Variants in GABRB2 observed in about 807,000 individuals in gnomAD.
GABRB2 encodes gamma-aminobutyric acid type A receptor subunit beta2, also known as gamma-aminobutyric acid receptor subunit beta-2.
A neutral mutation model predicts 54.7 loss-of-function variants in GABRB2; 16 were observed. The ratio of observed to expected loss-of-function variants is 0.29; its 90% confidence interval spans 0.20 to 0.44. GABRB2 has a LOEUF of 0.44. Ranked by LOEUF, GABRB2 falls within the 20% of genes least tolerant of loss-of-function variation. The pLI is 1.00. For synonymous variants in GABRB2, 244 were observed against 233.8 expected (o/e 1.04, Z -0.40); for missense variants, 355 against 644.0 (o/e 0.55, Z 4.86).
chr5:161,389,500 G>T (rs1389876440), intron 5 of GABRB2, among the ~76,000 whole-genome samples: 1 of 151,736 alleles, frequency 6.6e-6, no homozygotes, highest in Non-Finnish European at 1.5e-5. Flanking sequence ...TAAACCTGCA[G>T]ATAGATTGAT....
chr5:161,546,709 T>G lies in GABRB2; in HGVS notation c.-66A>C, dbSNP rs1174994208. 1.9e-6 allele frequency: 3 copies of G among 1,550,328 alleles called. No individual in the cohort carries two copies. The highest frequency in any genetic ancestry group is 2.4e-5 in the East Asian group (1 of 41,154). ...AGGAGATCCAACTTAGTCTGCCCAG[T>G]GCAGTAATTCTAATGTGAGGCGCAT... is the stretch of plus-strand genomic sequence containing the variant. On this transcript the variant is annotated 5_prime_UTR_variant, in exon 1 of 10. Coordinates refer to ENST00000393959, the MANE Select transcript of GABRB2 (RefSeq NM_001371727.1).
chr5:161,409,226 A>T (rs577506903), intron 5 of GABRB2, among the ~76,000 whole-genome samples: 7 of 152,234 alleles, frequency 4.6e-5, no homozygotes, highest in Admixed American at 2.0e-4. Flanking sequence ...CCACTAAGTG[A>T]CTGAATGATC....
At chr5:161,332,830 C>T (rs557657188) in intron 7 of GABRB2, among the ~76,000 whole-genome samples, 2 of 152,148 alleles carry the variant, frequency 1.3e-5, no homozygotes, top group African/African-American at 4.8e-5. Flanking sequence ...TTATACTCCA[C>T]CAAGAAACAG....
intron 3 of GABRB2, among the ~76,000 whole-genome samples, chr5:161,470,576 A>G (rs979506143): frequency 2.6e-5 from 4 of 151,926 alleles, no homozygotes; most frequent in Non-Finnish European, 4.4e-5. Flanking sequence ...TCTGCTAACC[A>G]AGAATGCTAC....
intron 3 of GABRB2, among the ~76,000 whole-genome samples, chr5:161,512,636 C>A (rs924496357): frequency 6.6e-6 from 1 of 152,010 alleles, no homozygotes; most frequent in Non-Finnish European, 1.5e-5. Flanking sequence ...TAGGAAATAT[C>A]ATTCTGGACA....
At position 161,290,747 on chromosome 5, in the gene GABRB2, A is replaced by G. The variant is rs934408001; in HGVS notation, c.*3334T>C. The G allele has an allele frequency of 1.3e-5, 2 of 152,532 alleles. No homozygotes were observed. Among genetic ancestry groups the G allele is most frequent in the African/African-American group, 4.8e-5 (2 of 41,426 alleles). 9.4% of individuals were successfully genotyped at this position (152,532 alleles called of 1,614,324 possible). ...ATGAAGGTAATCATTAAACTGGAAC[A>G]CGGTTACCTATAGAAAATGGAAATT... On this transcript the variant is annotated 3_prime_UTR_variant, in exon 10 of 10. Coordinates refer to ENST00000393959, the MANE Select transcript of GABRB2 (RefSeq NM_001371727.1).
rs144785826 is a variant in GABRB2, at chr5:161,465,082, T to C, written c.238-5238A>G. Among the ~76,000 whole-genome samples, 548 of 152,238 alleles carry C rather than the reference T, an allele frequency of 3.6e-3. 3 individuals carry two copies. Among genetic ancestry groups the C allele is most frequent in the African/African-American group, 0.012 (478 of 41,564 alleles). On this transcript the variant is annotated intron_variant, in intron 3 of 9. Transcript: ENST00000393959. ...TCTTTCAATTGCTTTCAAAAAAGCA[T>C]AGTCTCTGGGGTCAGACACACCTAG...
Position 161,291,996 on chromosome 5 carries a change from C to T in GABRB2, c.*2085G>A, listed in dbSNP as rs1205944369. ...AAACATGAGGAATCTCTACTCTGAGCCTGTGAGAAGAATCTTGGTCAGATT... is the reference window on the plus strand; with the variant it reads ...AAACATGAGGAATCTCTACTCTGAGTCTGTGAGAAGAATCTTGGTCAGATT... On this transcript the variant is annotated 3_prime_UTR_variant, in exon 10 of 10. Transcript: ENST00000393959. 1 of 152,128 alleles carries T rather than the reference C, an allele frequency of 6.6e-6. No individual in the cohort carries two copies. Among genetic ancestry groups the T allele is most frequent in the Non-Finnish European group, 1.5e-5 (1 of 68,008 alleles). 9.4% of individuals were successfully genotyped at this position (152,128 alleles called of 1,614,324 possible). A position where few individuals can be genotyped will look rare whatever the true frequency, so the allele number is the denominator to read the frequency against.
chr5:161,476,127 G>T (rs1758584225), intron 3 of GABRB2, among the ~76,000 whole-genome samples: 1 of 151,884 alleles, frequency 6.6e-6, no homozygotes, highest in African/African-American at 2.4e-5. Flanking sequence ...AAAATCAGTT[G>T]CATTTCTATA....
chr5:161,547,203 G>C (rs1404418633), upstream of GABRB2: 6 of 143,852 alleles, frequency 4.2e-5, no homozygotes, highest in Admixed American at 4.2e-4. Flanking sequence ...CTGGGATGGG[G>C]GGGGCGGGGG....
At chr5:161,395,224 C>A (rs150126972) in intron 5 of GABRB2, among the ~76,000 whole-genome samples, 1 of 152,042 alleles carries the variant, frequency 6.6e-6, no homozygotes, top group African/African-American at 2.4e-5. Context: ...TTATATTCTG[C>A]GAGTTTCTAG....
Position 161,459,855 on chromosome 5 carries a change from G to A in GABRB2, c.238-11C>T, listed in dbSNP as rs2113264228. ...TGTCAAGGTATAATCCTGTAAATGT[G>A]AGAAAAAAAAACATGGTTAGTTTAC... On this transcript the variant is annotated splice_polypyrimidine_tract_variant and intron_variant, in intron 3 of 9. Coordinates refer to ENST00000393959, the MANE Select transcript of GABRB2 (RefSeq NM_001371727.1). 1.9e-6 allele frequency: 3 copies of A among 1,542,512 alleles called. No homozygotes were observed. Among genetic ancestry groups the A allele is most frequent in the Middle Eastern group, 1.7e-4 (1 of 5,792 alleles).
chr5:161,512,516 G>A (rs1326721327), intron 3 of GABRB2, among the ~76,000 whole-genome samples: 1 of 152,022 alleles, frequency 6.6e-6, no homozygotes, highest in African/African-American at 2.4e-5. Context: ...CTAGCCATAT[G>A]CAGAAGAATG....
chr5:161,410,635 C>A (rs1161852281), intron 5 of GABRB2, among the ~76,000 whole-genome samples: 6 of 152,156 alleles, frequency 3.9e-5, no homozygotes, highest in Non-Finnish European at 8.8e-5. Context: ...GCCACCTCCA[C>A]CTATTTTCCA....
chr5:161,487,943 T>A (rs1352764710), intron 3 of GABRB2, among the ~76,000 whole-genome samples: 1 of 151,456 alleles, frequency 6.6e-6, no homozygotes, highest in Admixed American at 6.6e-5. Context: ...TCCCAGATGA[T>A]CCAGTGTCAT....
intron 5 of GABRB2, among the ~76,000 whole-genome samples, chr5:161,357,653 C>T (rs1290670912): frequency 6.6e-6 from 1 of 151,522 alleles, no homozygotes; most frequent in African/African-American, 2.4e-5. Flanking sequence ...TTGTAGTAAC[C>T]CAAATAAGAG....
intron 3 of GABRB2, among the ~76,000 whole-genome samples, chr5:161,544,015 C>T (rs1305159024): frequency 1.3e-5 from 2 of 152,144 alleles, no homozygotes; most frequent in Non-Finnish European, 2.9e-5. Flanking sequence ...GCTTCAGAAT[C>T]TTATGAAATC....
At chr5:161,482,158 C>T (rs1475418325) in intron 3 of GABRB2, among the ~76,000 whole-genome samples, 3 of 151,994 alleles carry the variant, frequency 2.0e-5, no homozygotes, top group Admixed American at 1.3e-4. Flanking sequence ...TCCCATTCAA[C>T]ATTAAAGTAC....
At chr5:161,422,897 T>C (rs1377137162) in intron 4 of GABRB2, among the ~76,000 whole-genome samples, 1 of 152,192 alleles carries the variant, frequency 6.6e-6, no homozygotes, top group African/African-American at 2.4e-5. Flanking sequence ...GTTTTCAAAG[T>C]AGAAAAGATG....
Sources: allele counts gnomAD v4.1 joint callset (sites outside exome capture counted in the v4.1 genomes callset), GRCh38; gene constraint gnomAD v4.1.1; transcripts MANE v1.5; gene names NCBI Gene and HGNC (gene_info 2026-07-23, HGNC 2026-07-21).